The following MYO5C variants were observed in gnomAD, a reference collection of about 807,000 sequenced individuals.
The protein encoded by MYO5C is unconventional myosin-Vc.
A neutral mutation model predicts 235.7 loss-of-function variants in MYO5C; 194 were observed. The observed-to-expected ratio is 0.82, with a 90% CI of 0.73 to 0.93. The LOEUF (loss-of-function observed/expected upper bound fraction) is 0.93, where lower values mean the gene tolerates loss of function less well. Ranked by LOEUF, MYO5C falls within the 40% of genes least tolerant of loss-of-function variation. MYO5C has a pLI of 0.00. For missense variants in MYO5C, 2,038 were observed against 2,127.2 expected (o/e 0.96, Z 0.82); for synonymous variants, 707 against 754.8 (o/e 0.94, Z 1.04).
intron 38 of MYO5C, among the ~76,000 whole-genome samples, chr15:52,197,469 C>T (rs1243504518): frequency 6.6e-6 from 1 of 152,142 alleles, no homozygotes; most frequent in Non-Finnish European, 1.5e-5. Context: ...TTAATGGTTT[C>T]CTAGGCTGGG....
chr15:52,251,566 A>T (rs138470579), intron 12 of MYO5C, 51 bp from the exon 13 acceptor site: 1 of 1,512,990 alleles, frequency 6.6e-7, no homozygotes, highest in South Asian at 1.3e-5. Context: ...AGAGATTCAT[A>T]CAGGTGAGGA....
intron 16 of MYO5C, 72 bp from the exon 17 acceptor site, chr15:52,246,114 G>C: frequency 8.6e-7 from 1 of 1,167,788 alleles, no homozygotes; most frequent in Non-Finnish European, 1.3e-6. Context: ...AGGCACAGCA[G>C]ACCTGGCTAG....
chr15:52,225,559 G>A (rs778294450), intron 25 of MYO5C, 27 bp from the exon 26 acceptor site: 3 of 1,539,290 alleles, frequency 1.9e-6, no homozygotes, highest in East Asian at 4.5e-5. Flanking sequence ...ACGGAATCAG[G>A]TAAAGAAAAA....
At chr15:52,203,368 G>C (rs1307685720) in intron 38 of MYO5C, among the ~76,000 whole-genome samples, 2 of 151,870 alleles carry the variant, frequency 1.3e-5, no homozygotes, top group African/African-American at 2.4e-5. Context: ...ATTTTTTTGA[G>C]GCAGAGTCTT....
At chr15:52,247,766 G>T (rs895166550) in intron 14 of MYO5C, among the ~76,000 whole-genome samples, 174 bp from the exon 15 acceptor site, 3 of 152,144 alleles carry the variant, frequency 2.0e-5, no homozygotes, top group African/African-American at 7.2e-5. Flanking sequence ...CATAGGGATG[G>T]CCCGTGACTT....
At position 52,245,221 on chromosome 15, in the gene MYO5C, T is replaced by C. The variant is rs1380190150; in HGVS notation, c.2178+133A>G. 6.9e-6 allele frequency: 5 copies of C among 723,434 alleles called. No individual in the cohort carries two copies. The East Asian group carries it at 1.0e-4, about 15-fold the overall frequency. The allele number at this position is 723,434 out of a possible 1,614,324, so 44.8% of individuals were successfully genotyped here. ...TATGGTCTCTTCAGCAGACAAATGCTCAGGGCACATTTTCTTTCCTTTCAG... is the reference window on the plus strand; with the variant it reads ...TATGGTCTCTTCAGCAGACAAATGCCCAGGGCACATTTTCTTTCCTTTCAG... On this transcript the variant is annotated intron_variant, in intron 18 of 40. Coordinates refer to ENST00000261839, the MANE Select transcript of MYO5C (RefSeq NM_018728.4).
chr15:52,232,706 T>C (rs1016557638), intron 23 of MYO5C, 21 bp from the exon 24 acceptor site: 3 of 1,607,762 alleles, frequency 1.9e-6, no homozygotes, highest in Non-Finnish European at 2.6e-6. Flanking sequence ...AGAATGCTTT[T>C]TGAGATATGT....
rs1323057102 is a variant in MYO5C at position 52,219,830 on chromosome 15, G to A, written c.3722-8C>T. ...ACAATTCTTCTAGTTTTCCTATAAT[G>A]AGAAGAACTGTCAGTACTTTGGGGG... is the stretch of plus-strand genomic sequence containing the variant. On this transcript the variant is annotated splice_polypyrimidine_tract_variant and splice_region_variant and intron_variant, in intron 30 of 40. Coordinates refer to ENST00000261839, the MANE Select transcript of MYO5C (RefSeq NM_018728.4). 9 of 1,604,738 alleles carry A rather than the reference G, an allele frequency of 5.6e-6. No homozygotes were observed. In the African/African-American group the frequency reaches 1.2e-4, roughly 21 times the overall value.
chr15:52,270,198 C>A (rs1172027762), intron 7 of MYO5C, among the ~76,000 whole-genome samples: 1 of 152,212 alleles, frequency 6.6e-6, no homozygotes, highest in African/African-American at 2.4e-5. Flanking sequence ...GGGAGGATCA[C>A]TTGAGCCCAG....
Position 52,213,437 on chromosome 15 carries a change from A to C in MYO5C, c.4043-151T>G, listed in dbSNP as rs2035493114. 1.7e-5 allele frequency: 10 copies of C among 587,154 alleles called. No individual in the cohort carries two copies. The South Asian group carries it at 2.0e-4, about 12-fold the overall frequency. The allele number at this position is 587,154 out of a possible 1,614,324, so 36.4% of individuals were successfully genotyped here. On this transcript the variant is annotated intron_variant, in intron 33 of 40. Coordinates refer to ENST00000261839, the MANE Select transcript of MYO5C (RefSeq NM_018728.4). Reference sequence around the variant, plus strand: ...TAAAACTGTACTGTATTGTATCCTGAAGAATTTCTCCAAGTAGTGATTCCT... The same window carrying C: ...TAAAACTGTACTGTATTGTATCCTGCAGAATTTCTCCAAGTAGTGATTCCT...
chr15:52,202,053 A>C (rs189725043), intron 38 of MYO5C, among the ~76,000 whole-genome samples: 7 of 152,134 alleles, frequency 4.6e-5, no homozygotes, highest in Admixed American at 3.9e-4. Flanking sequence ...TGGTAATCCT[A>C]AATATAAATA....
At position 52,237,595 on chromosome 15, in the gene MYO5C, G is replaced by C; in HGVS notation, c.2755C>G (p.Arg919Gly). 1.9e-6 allele frequency: 3 copies of C among 1,613,966 alleles called. No homozygotes were observed. The highest frequency in any genetic ancestry group is 2.5e-6 in the Non-Finnish European group (3 of 1,180,030). Residue 919 changes from arginine (R) to glycine (G), a missense_variant, in exon 22 of 41, where the codon CGA becomes GGA. Coordinates refer to ENST00000261839, the MANE Select transcript of MYO5C (RefSeq NM_018728.4). ...TGAATCTTTTCCACATCCCCAGCTC[G>C]AAGAGCAGCCAGGCTAGTCAGCTTC... ...VEKLTSLAAL[R>G]AGDVEKIQKL...
At chr15:52,263,973 C>G (rs1184091654) in intron 9 of MYO5C, among the ~76,000 whole-genome samples, 1 of 152,174 alleles carries the variant, frequency 6.6e-6, no homozygotes, top group Admixed American at 6.5e-5. Context: ...AAGAAAAGCA[C>G]ACAGGAGATC....
At chr15:52,207,410 G>A (rs1450445825) in intron 36 of MYO5C, among the ~76,000 whole-genome samples, 3 of 152,212 alleles carry the variant, frequency 2.0e-5, no homozygotes, top group Admixed American at 6.5e-5. Context: ...GTCAGAGGTT[G>A]GATTTTCTTT....
rs200654912 is a variant in MYO5C at position 52,242,030 on chromosome 15, G to C, written c.2556+18C>G. On this transcript the variant is annotated intron_variant, in intron 20 of 40. Transcript: ENST00000261839. ...GGCCCGTACACCCTCCCTTCCTCTA[G>C]ACAGAGGTTGGCCTCACCTTTCGAT... 5 of 1,600,260 alleles carry C rather than the reference G, an allele frequency of 3.1e-6. No individual in the cohort carries two copies. The Admixed American group carries it at 8.5e-5, about 27-fold the overall frequency.
At chr15:52,204,805 G>A (rs935542662) in intron 38 of MYO5C, 60 bp downstream of exon 38, 1 of 1,572,720 alleles carries the variant, frequency 6.4e-7, no homozygotes, top group African/African-American at 1.4e-5. Context: ...TGGGGCCTCG[G>A]ACTTCAAGAG....
chr15:52,267,138 G>A (rs939788565), intron 8 of MYO5C, among the ~76,000 whole-genome samples: 3 of 152,204 alleles, frequency 2.0e-5, no homozygotes, highest in Non-Finnish European at 4.4e-5. Context: ...CATAACCTAA[G>A]TTGTGTGAAA....
chr15:52,295,042 T>G (rs1245139150), intron 1 of MYO5C, among the ~76,000 whole-genome samples: 2 of 152,196 alleles, frequency 1.3e-5, no homozygotes, highest in Non-Finnish European at 2.9e-5. Context: ...TGAGCCTACA[T>G]GCACGTTCAC....
chr15:52,211,619 G>T (rs2035442337), intron 35 of MYO5C, 111 bp downstream of exon 35: 2 of 1,217,706 alleles, frequency 1.6e-6, no homozygotes, highest in Non-Finnish European at 2.3e-6. Flanking sequence ...AAACTTGTTT[G>T]AGGAATCATG....
Sources: allele counts gnomAD v4.1 joint callset (sites outside exome capture counted in the v4.1 genomes callset), GRCh38; gene constraint gnomAD v4.1.1; transcripts MANE v1.5; gene names NCBI Gene and HGNC (gene_info 2026-07-23, HGNC 2026-07-21).